GALNTL6: variants seen among roughly 807,000 people sequenced by gnomAD.
GALNTL6 encodes polypeptide N-acetylgalactosaminyltransferase like 6, also known as polypeptide N-acetylgalactosaminyltransferase-like 6.
Under a neutral mutation model 73.7 loss-of-function variants are expected in GALNTL6, and 46 were observed. The observed-to-expected ratio is 0.62, with a 90% CI of 0.49 to 0.80. The LOEUF is 0.80. Ranked by LOEUF, GALNTL6 falls within the 30% of genes least tolerant of loss-of-function variation. The pLI is 0.00. For synonymous variants in GALNTL6, 259 were observed against 263.7 expected (o/e 0.98, Z 0.17); for missense variants, 604 against 755.0 (o/e 0.80, Z 2.34).
At chr4:172,405,308 A>C (rs932368858) in intron 5 of GALNTL6, among the ~76,000 whole-genome samples, 1 of 147,964 alleles carries the variant, frequency 6.8e-6, no homozygotes, top group Non-Finnish European at 1.5e-5. Flanking sequence ...CAACATATAT[A>C]CTTAATACTT....
intron 5 of GALNTL6, among the ~76,000 whole-genome samples, chr4:172,689,528 A>C (rs545282753): frequency 6.6e-6 from 1 of 152,318 alleles, no homozygotes; most frequent in African/African-American, 2.4e-5. Context: ...TTGACACTTC[A>C]ACATTTTCAA....
intron 2 of GALNTL6, among the ~76,000 whole-genome samples, chr4:171,917,028 T>C (rs903272242): frequency 6.6e-6 from 1 of 152,088 alleles, no homozygotes; most frequent in South Asian, 2.1e-4. Flanking sequence ...CAACAGAATT[T>C]CTACCCCGTG....
intron 2 of GALNTL6, among the ~76,000 whole-genome samples, chr4:171,900,726 G>A (rs1050352013): frequency 1.3e-5 from 2 of 151,756 alleles, no homozygotes; most frequent in Admixed American, 6.6e-5. Context: ...TATGTCCTTG[G>A]GTAAATGAAA....
intron 7 of GALNTL6, among the ~76,000 whole-genome samples, chr4:172,874,037 A>AT (rs1745072021): frequency 6.6e-6 from 1 of 152,258 alleles, no homozygotes; most frequent in African/African-American, 2.4e-5. Flanking sequence ...TAAATGAAGC[A>AT]TAAAACAAGC....
At chr4:171,864,966 A>G (rs1735932216) in intron 2 of GALNTL6, among the ~76,000 whole-genome samples, 1 of 152,032 alleles carries the variant, frequency 6.6e-6, no homozygotes, top group South Asian at 2.1e-4. Flanking sequence ...GACCAGCATG[A>G]AGTAACCCCA....
In GALNTL6 at chr4:172,809,932, C is replaced by CAT. The variant is rs900628220; in HGVS notation, c.739+387_739+388insTA. Among the ~76,000 whole-genome samples, 1 of 151,870 alleles carries CAT rather than the reference C, an allele frequency of 6.6e-6. No homozygotes were observed. The highest frequency in any genetic ancestry group is 2.4e-5 in the African/African-American group (1 of 41,310). On this transcript the variant is annotated intron_variant, in intron 6 of 12. Coordinates refer to ENST00000506823, the MANE Select transcript of GALNTL6 (RefSeq NM_001034845.3). This position sits in a 1 kb window ranked among gnomAD's most constrained non-coding sequence, Gnocchi z 4.4. Reference sequence around the variant, plus strand: ...TAAAATACACACACACACACACACACACACACACACACACACACATTGAAC... The same window carrying CAT: ...TAAAATACACACACACACACACACACATACACACACACACACACACATTGAAC...
At chr4:172,916,276 C>A (rs959597463) in intron 8 of GALNTL6, among the ~76,000 whole-genome samples, 2 of 152,032 alleles carry the variant, frequency 1.3e-5, no homozygotes, top group Non-Finnish European at 2.9e-5. Flanking sequence ...TATGACAAAC[C>A]CACAGCCAAT....
At chr4:172,744,061 A>G (rs1736956686) in intron 5 of GALNTL6, among the ~76,000 whole-genome samples, 1 of 152,114 alleles carries the variant, frequency 6.6e-6, no homozygotes. Flanking sequence ...TCCTGTAATC[A>G]TGATCCTGAA....
At chr4:172,858,554 G>C (rs1744229586) in intron 7 of GALNTL6, among the ~76,000 whole-genome samples, 1 of 152,172 alleles carries the variant, frequency 6.6e-6, no homozygotes, top group Admixed American at 6.5e-5. Flanking sequence ...TGCTGGCCTG[G>C]CATAGTGGCT....
chr4:171,819,793 C>T (rs1734635122), intron 2 of GALNTL6, among the ~76,000 whole-genome samples: 1 of 152,086 alleles, frequency 6.6e-6, no homozygotes, highest in Non-Finnish European at 1.5e-5. Context: ...TCATGTATTC[C>T]CATTTCTCCC....
At chr4:172,345,042 C>T (rs1252912931) in intron 4 of GALNTL6, among the ~76,000 whole-genome samples, 5 of 151,164 alleles carry the variant, frequency 3.3e-5, no homozygotes, top group Admixed American at 6.6e-5. Flanking sequence ...ATATGAAGTA[C>T]GTTACATAGA....
chr4:173,009,039 T>A (rs147538784), intron 10 of GALNTL6, 139 bp from the exon 11 acceptor site: 1 of 650,166 alleles, frequency 1.5e-6, no homozygotes, highest in African/African-American at 1.8e-5. Context: ...ATAAATTGCA[T>A]ACAAATTCAA....
At chr4:172,680,129 A>T (rs1732548118) in intron 5 of GALNTL6, among the ~76,000 whole-genome samples, 1 of 152,216 alleles carries the variant, frequency 6.6e-6, no homozygotes, top group Non-Finnish European at 1.5e-5. Flanking sequence ...TAACAATAAT[A>T]GTGGCAAATA....
intron 3 of GALNTL6, among the ~76,000 whole-genome samples, chr4:172,230,508 G>C (rs921454830): frequency 9.2e-5 from 14 of 151,742 alleles, no homozygotes; most frequent in African/African-American, 1.9e-4. Flanking sequence ...AATGGCCCGG[G>C]GGGTGGAGCT....
intron 2 of GALNTL6, among the ~76,000 whole-genome samples, chr4:171,961,272 G>A (rs1739211211): frequency 6.6e-6 from 1 of 152,054 alleles, no homozygotes; most frequent in Non-Finnish European, 1.5e-5. Flanking sequence ...TTCATACCTT[G>A]TCTAACAGTC....
In GALNTL6 at chr4:172,931,145, AT is replaced by A; in HGVS notation, c.1042-11del. The A allele has an allele frequency of 7.1e-7, 1 of 1,399,854 alleles. No individual in the cohort carries two copies. The highest frequency in any genetic ancestry group is 1.0e-6 in the Non-Finnish European group (1 of 984,724). 86.7% of individuals were successfully genotyped at this position (1,399,854 alleles called of 1,614,324 possible). A position where few individuals can be genotyped will look rare whatever the true frequency, so the allele number is the denominator to read the frequency against. On this transcript the variant is annotated splice_polypyrimidine_tract_variant and intron_variant, in intron 8 of 12. Coordinates refer to ENST00000506823, the MANE Select transcript of GALNTL6 (RefSeq NM_001034845.3). Reference sequence around the variant, plus strand: ...GAAATTCACTGTTGTCTTTTGTTCTATTTTTCCCTCTTCAGGTTTGGATGTG... The same window carrying A: ...GAAATTCACTGTTGTCTTTTGTTCTATTTTCCCTCTTCAGGTTTGGATGTG...
rs536173688 is a variant in GALNTL6 at position 172,469,148 on chromosome 4, A to G, written c.553+120459A>G. On this transcript the variant is annotated intron_variant, in intron 5 of 12. Coordinates refer to ENST00000506823, the MANE Select transcript of GALNTL6 (RefSeq NM_001034845.3). The stretch of plus-strand genomic sequence containing the variant: ...GAAAGTCTGGGGACAAAGAACAGGA[A>G]TGGTCATGAGAAGATTAAAGGGTAT... Among the ~76,000 whole-genome samples the G allele has an allele frequency of 5.5e-4, 84 of 152,288 alleles. 1 individual carries two copies. Among genetic ancestry groups the G allele is most frequent in the African/African-American group, 2.0e-3 (84 of 41,578 alleles).
At chr4:172,979,625 C>G (rs1245700920) in intron 10 of GALNTL6, among the ~76,000 whole-genome samples, 1 of 152,178 alleles carries the variant, frequency 6.6e-6, no homozygotes, top group Non-Finnish European at 1.5e-5. Flanking sequence ...AATTTAAAAG[C>G]AGATTGGTTT....
intron 5 of GALNTL6, among the ~76,000 whole-genome samples, chr4:172,677,760 C>CA (rs1459435008): frequency 1.4e-5 from 2 of 144,546 alleles, no homozygotes; most frequent in African/African-American, 5.1e-5. Context: ...CCCATCTCTA[C>CA]AAAAAATTAA....
Sources: allele counts gnomAD v4.1 joint callset (sites outside exome capture counted in the v4.1 genomes callset), GRCh38; gene constraint gnomAD v4.1.1; non-coding constraint Gnocchi (gnomAD v3.1); transcripts MANE v1.5; gene names NCBI Gene and HGNC (gene_info 2026-07-23, HGNC 2026-07-21).